PPM1E: variants seen among roughly 807,000 people sequenced by gnomAD.
The protein encoded by PPM1E is protein phosphatase 1E.
A neutral mutation model predicts 65.9 loss-of-function variants in PPM1E; 20 were observed. The observed-to-expected ratio is 0.30, with a 90% CI of 0.21 to 0.44. The LOEUF (loss-of-function observed/expected upper bound fraction) is 0.44, where lower values mean the gene tolerates loss of function less well. Ranked by LOEUF, PPM1E falls within the 20% of genes least tolerant of loss-of-function variation. The probability of loss-of-function intolerance (pLI) is 1.00; values close to 1 mark genes in which losing one functional copy is unlikely to be tolerated. For synonymous variants in PPM1E, 352 were observed against 374.9 expected, an observed-to-expected ratio of 0.94 and a Z score of 0.70; for missense variants, 713 against 953.1, an observed-to-expected ratio of 0.75 and a Z score of 3.32.
At chr17:58,767,673 G>C (rs532980920) in intron 1 of PPM1E, among the ~76,000 whole-genome samples, 3 of 151,858 alleles carry the variant, frequency 2.0e-5, no homozygotes, top group Admixed American at 2.0e-4. Flanking sequence ...ATGGAGTTTC[G>C]CTCTTGTTGC....
intron 1 of PPM1E, among the ~76,000 whole-genome samples, chr17:58,805,982 AAACAAAACAAAACAAAAC>A (rs1567838908): frequency 3.4e-4 from 34 of 100,518 alleles, no homozygotes; most frequent in African/African-American, 5.4e-4. Context: ...AACAAAAAAA[AAACAAAACAAAACAAAAC>A]AAAAAAAAAA....
At chr17:58,953,919 T>C (rs2052277368) in intron 1 of PPM1E, among the ~76,000 whole-genome samples, 2 of 152,218 alleles carry the variant, frequency 1.3e-5, no homozygotes, top group Non-Finnish European at 2.9e-5. Flanking sequence ...AGCTAATTTT[T>C]GTATTTAGTA....
chr17:58,927,669 G>A (rs538597861), intron 1 of PPM1E, among the ~76,000 whole-genome samples: 21 of 152,192 alleles, frequency 1.4e-4, no homozygotes, highest in African/African-American at 5.1e-4. Flanking sequence ...CAGTATTTTG[G>A]GAAGCTGAGG....
chr17:58,911,063 C>T (rs34963822), intron 1 of PPM1E, among the ~76,000 whole-genome samples: 2 of 151,980 alleles, frequency 1.3e-5, no homozygotes, highest in South Asian at 2.1e-4. Flanking sequence ...CAGACTTCTA[C>T]ACCTAGTCTC....
At chr17:58,954,202 TTCTC>T (rs1407143206) in intron 1 of PPM1E, among the ~76,000 whole-genome samples, 2 of 152,192 alleles carry the variant, frequency 1.3e-5, no homozygotes, top group Non-Finnish European at 1.5e-5. Context: ...CTTCTTTACT[TTCTC>T]TCCCTCTCTC....
intron 1 of PPM1E, among the ~76,000 whole-genome samples, chr17:58,941,957 A>G (rs1268009707): frequency 6.6e-6 from 1 of 150,602 alleles, no homozygotes; most frequent in African/African-American, 2.5e-5. Context: ...GTGAGCCAAG[A>G]TCGCGCCATT....
chr17:58,756,796 C>T (rs1472124059), intron 1 of PPM1E, among the ~76,000 whole-genome samples: 1 of 152,212 alleles, frequency 6.6e-6, no homozygotes, highest in African/African-American at 2.4e-5. Context: ...CGCAACCTTT[C>T]CCTTTCCTGC....
In PPM1E at chr17:58,950,337, G is replaced by A. The variant is rs113721093; in HGVS notation, c.465-5312G>A. ...AATTGCACCATTGCACTCCAGCCTGGGCTACAAGAATGAAACTCTGTCTCA... is the reference window on the plus strand; with the variant it reads ...AATTGCACCATTGCACTCCAGCCTGAGCTACAAGAATGAAACTCTGTCTCA... On this transcript the variant is annotated intron_variant, in intron 1 of 6. Transcript: ENST00000308249. Among the ~76,000 whole-genome samples, 1,389 of 152,204 alleles carry A rather than the reference G, an allele frequency of 9.1e-3. 25 individuals carry two copies. The highest frequency in any genetic ancestry group is 0.031 in the African/African-American group (1,284 of 41,530).
At chr17:58,887,474 T>C (rs1186753926) in intron 1 of PPM1E, among the ~76,000 whole-genome samples, 1 of 152,152 alleles carries the variant, frequency 6.6e-6, no homozygotes, top group African/African-American at 2.4e-5. Context: ...GCCCCGATTT[T>C]TATTCTTAAA....
At chr17:58,756,902 C>T (rs929105342) in intron 1 of PPM1E, among the ~76,000 whole-genome samples, 1 of 152,196 alleles carries the variant, frequency 6.6e-6, no homozygotes, top group African/African-American at 2.4e-5. Context: ...TGTCTTTTCC[C>T]GGGCTGAGTG....
intron 4 of PPM1E, among the ~76,000 whole-genome samples, chr17:58,971,027 G>T (rs1262529457): frequency 6.6e-6 from 1 of 151,868 alleles, no homozygotes; most frequent in East Asian, 1.9e-4. Flanking sequence ...CAGTGACCCT[G>T]GTGTCTCTCA....
intron 1 of PPM1E, among the ~76,000 whole-genome samples, chr17:58,949,665 C>G (rs148105809): frequency 7.7e-4 from 117 of 151,522 alleles, no homozygotes; most frequent in African/African-American, 2.6e-3. Flanking sequence ...TTATTTATTC[C>G]TTTCTCTTTC....
intron 1 of PPM1E, among the ~76,000 whole-genome samples, chr17:58,896,862 T>C (rs566943350): frequency 2.0e-5 from 3 of 152,174 alleles, no homozygotes; most frequent in Non-Finnish European, 4.4e-5. Flanking sequence ...AAGTCAATGC[T>C]TGGCTTCAAA....
At chr17:58,828,322 TTTC>T (rs1344015389) in intron 1 of PPM1E, among the ~76,000 whole-genome samples, 3 of 152,110 alleles carry the variant, frequency 2.0e-5, no homozygotes, top group African/African-American at 7.2e-5. Flanking sequence ...CTCTTACCCT[TTTC>T]TTCTTCATTC....
At chr17:58,937,892 A>AAAG (rs1555621158) in intron 1 of PPM1E, among the ~76,000 whole-genome samples, 13 of 129,792 alleles carry the variant, frequency 1.0e-4, no homozygotes, top group Admixed American at 9.6e-4. Context: ...AAAAAAAAAA[A>AAAG]AAAGAAAGAA....
chr17:58,879,413 C>T (rs553824023), intron 1 of PPM1E, among the ~76,000 whole-genome samples: 2 of 149,630 alleles, frequency 1.3e-5, no homozygotes, highest in Admixed American at 6.7e-5. Context: ...TGTGCTTGGC[C>T]AATTGTTTAC....
intron 1 of PPM1E, among the ~76,000 whole-genome samples, chr17:58,788,648 AGGAGGAGGT>A (rs2050127508): frequency 6.6e-6 from 1 of 152,202 alleles, no homozygotes; most frequent in African/African-American, 2.4e-5. Flanking sequence ...GCTGCTGTTT[AGGAGGAGGT>A]GGACAGAAAA....
intron 1 of PPM1E, among the ~76,000 whole-genome samples, chr17:58,937,892 A>AAAAAAAT (rs57965915): frequency 7.7e-6 from 1 of 129,796 alleles, no homozygotes; most frequent in Non-Finnish European, 1.6e-5. Flanking sequence ...AAAAAAAAAA[A>AAAAAAAT]AAAGAAAGAA....
At chr17:58,843,811 C>T (rs1444914170) in intron 1 of PPM1E, among the ~76,000 whole-genome samples, 1 of 151,958 alleles carries the variant, frequency 6.6e-6, no homozygotes, top group African/African-American at 2.4e-5. Flanking sequence ...AGCCTGGGCA[C>T]AGAGCTAGAC....
Sources: gnomAD v4.1 joint callset for allele counts (sites outside exome capture counted in the v4.1 genomes callset) on GRCh38, gnomAD v4.1.1 for gene constraint, MANE v1.5 for transcripts, NCBI Gene and HGNC (gene_info 2026-07-23, HGNC 2026-07-21) for gene names.